Variants in FIS1 observed in about 807,000 individuals in gnomAD.
FIS1 encodes the protein fission, mitochondrial 1.
In FIS1, 16 loss-of-function variants were observed where a neutral mutation model predicts 21.6. That is an observed-to-expected ratio of 0.74 (90% CI 0.50 to 1.12). FIS1 has a LOEUF of 1.12. Among genes scored for constraint, FIS1 ranks in the 50% most tolerant of loss-of-function variants. FIS1 has a pLI of 0.00. For missense variants in FIS1, 198 were observed against 190.9 expected (o/e 1.04, Z -0.22); for synonymous variants, 92 against 82.2 (o/e 1.12, Z -0.65).
chr7:101,242,229 CCTGA>C (rs1429743831), intron 2 of FIS1, among the ~76,000 whole-genome samples: 1 of 152,032 alleles, frequency 6.6e-6, no homozygotes, highest in Non-Finnish European at 1.5e-5. Flanking sequence ...CCTGGCCCCA[CCTGA>C]CTTTCTTAAT....
Position 101,244,013 on chromosome 7 carries a change from G to A in FIS1, c.172C>T (p.Leu58Phe), listed in dbSNP as rs1170097681. The change falls in exon 2 of 5, where the codon CTC (leucine) becomes TTC (phenylalanine). Residue 58 changes from leucine to phenylalanine, a missense_variant. Leu to Phe is a conservative substitution (Grantham distance 22). Transcript: ENST00000223136. ...NDDIRKGIVL[L>F]EELLPKGSKE... ...GGAGAGTACAGCGCCTCACCCTCGA[G>A]CAGCACGATGCCTTTACGGATGTCA... is the stretch of plus-strand genomic sequence containing the variant. 1 of 1,612,938 alleles carries A rather than the reference G, an allele frequency of 6.2e-7. No individual in the cohort carries two copies. Among genetic ancestry groups the A allele is most frequent in the Admixed American group, 1.7e-5 (1 of 59,960 alleles).
At chr7:101,242,035 G>C (rs1798757772) in intron 2 of FIS1, among the ~76,000 whole-genome samples, 1 of 152,026 alleles carries the variant, frequency 6.6e-6, no homozygotes, top group Non-Finnish European at 1.5e-5. Context: ...CAAACTCCTG[G>C]GGTCAGTGAT....
intron 2 of FIS1, 135 bp downstream of exon 2, chr7:101,243,872 C>T: frequency 8.4e-7 from 1 of 1,185,954 alleles, no homozygotes; most frequent in Non-Finnish European, 1.1e-6. Flanking sequence ...CAAAAGTTCA[C>T]TGGGAGACGT....
intron 4 of FIS1, 86 bp from the exon 5 acceptor site, chr7:101,239,989 A>C: frequency 7.0e-7 from 1 of 1,430,626 alleles, no homozygotes; most frequent in South Asian, 1.2e-5. Flanking sequence ...CCCTCAACAG[A>C]GGCACACCCC....
At chr7:101,242,527 T>A (rs1340331022) in intron 2 of FIS1, among the ~76,000 whole-genome samples, 1 of 150,564 alleles carries the variant, frequency 6.6e-6, no homozygotes, top group Non-Finnish European at 1.5e-5. Flanking sequence ...CTCACTGTGT[T>A]GCCCAGGCTG....
chr7:101,243,460 C>T (rs1798773350), intron 2 of FIS1, among the ~76,000 whole-genome samples: 1 of 152,140 alleles, frequency 6.6e-6, no homozygotes, highest in Non-Finnish European at 1.5e-5. Flanking sequence ...CCTGTAATCC[C>T]AGCTACTCAG....
rs1393498883 is a variant in FIS1, at chr7:101,239,751, C to A, written c.*55G>T. 5.6e-6 allele frequency: 8 copies of A among 1,428,430 alleles called. No homozygotes were observed. Among genetic ancestry groups the A allele is most frequent in the Non-Finnish European group, 7.7e-6 (8 of 1,033,260 alleles). The allele number at this position is 1,428,430 out of a possible 1,614,324, so 88.5% of individuals were successfully genotyped here. On this transcript the variant is annotated 3_prime_UTR_variant, in exon 5 of 5. Transcript: ENST00000223136. ...GGGCAGGGGGAGAACAGGGAAAGGA[C>A]AGCGAGGATGGACAGGCCCTCCTGG...
chr7:101,243,584 C>G (rs948456309), intron 2 of FIS1, among the ~76,000 whole-genome samples: 2 of 150,992 alleles, frequency 1.3e-5, no homozygotes, highest in Non-Finnish European at 1.5e-5. Flanking sequence ...CAAACAAAAA[C>G]AAAAAACAAA....
In FIS1 at chr7:101,244,030, C is replaced by A. The variant is rs766116617; in HGVS notation, c.155G>T (p.Arg52Leu). 4 of 1,613,720 alleles carry A rather than the reference C, an allele frequency of 2.5e-6. No individual in the cohort carries two copies. The African/African-American group carries it at 5.3e-5, about 22-fold the overall frequency. The change falls in exon 2 of 5, where the codon CGT becomes CTT. Residue 52 changes from arginine to leucine, a missense_variant. Transcript: ENST00000223136. ...ACCCTCGAGCAGCACGATGCCTTTACGGATGTCATCATTGTACTTGCTCCG... is the reference window on the plus strand; with the variant it reads ...ACCCTCGAGCAGCACGATGCCTTTAAGGATGTCATCATTGTACTTGCTCCG... ...LVRSKYNDDIRKGIVLLEELL... is the reference protein window; with the variant it reads ...LVRSKYNDDILKGIVLLEELL...
chr7:101,244,337 C>A (rs1798786257), intron 1 of FIS1, among the ~76,000 whole-genome samples, 198 bp from the exon 2 acceptor site: 1 of 152,164 alleles, frequency 6.6e-6, no homozygotes, highest in Admixed American at 6.5e-5. Context: ...GACAGAGGCC[C>A]CCGGTCTCCC....
chr7:101,245,029 A>C lies in FIS1; in HGVS notation c.-25T>G, dbSNP rs1394259092. ...TGGCCACTGCCCCCGCGAGCCTCAC[A>C]CTACAGTCTACTGTGCCACAGTCTC... On this transcript the variant is annotated 5_prime_UTR_variant, in exon 1 of 5. Coordinates refer to ENST00000223136, the MANE Select transcript of FIS1 (RefSeq NM_016068.3). 13 of 1,613,214 alleles carry C rather than the reference A, an allele frequency of 8.1e-6. No homozygotes were observed. The highest frequency in any genetic ancestry group is 2.2e-5 in the East Asian group (1 of 44,860).
At position 101,244,984 on chromosome 7, in the gene FIS1, C is replaced by G. The variant is rs1335464290; in HGVS notation, c.21G>C (p.Glu7Asp). The G allele has an allele frequency of 6.2e-7, 1 of 1,614,070 alleles. No homozygotes were observed. Residue 7 changes from glutamate (E) to aspartate (D), a missense_variant, in exon 1 of 5, where the codon GAG (glutamate) becomes GAC (aspartate). Physicochemically the swap from Glu to Asp is conservative, Grantham distance 45 (BLOSUM62 2). Coordinates refer to ENST00000223136, the MANE Select transcript of FIS1 (RefSeq NM_016068.3). ...CCAGCAGGTCCTCCACAGACACCAG[C>G]TCGTTCAGCACGGCCTCCATGGCCA... MEAVLNELVSVEDLLKF... is the reference protein window; with the variant it reads MEAVLNDLVSVEDLLKF...
chr7:101,241,025 C>A, intron 2 of FIS1, 119 bp from the exon 3 acceptor site: 2 of 928,320 alleles, frequency 2.2e-6, no homozygotes, highest in South Asian at 1.5e-5. Context: ...GGGTCACAGT[C>A]CTAAGCCTCC....
intron 1 of FIS1, 76 bp downstream of exon 1, chr7:101,244,884 G>T: frequency 6.4e-7 from 1 of 1,569,510 alleles, no homozygotes; most frequent in Non-Finnish European, 8.8e-7. Context: ...CCGGGAGGAG[G>T]GTTCGGCCCC....
At position 101,240,783 on chromosome 7, in the gene FIS1, T is replaced by C. The variant is rs746492655; in HGVS notation, c.255+47A>G. ...CACCCTGGAGGACACAGTAAGAAGG[T>C]CCTGCAGCCCCAGAGGAGGGTGAAG... On this transcript the variant is annotated intron_variant, in intron 3 of 4. Transcript: ENST00000223136. 2.5e-6 allele frequency: 4 copies of C among 1,580,042 alleles called. No homozygotes were observed. In the African/African-American group the frequency reaches 4.0e-5, roughly 16 times the overall value.
chr7:101,243,244 C>G (rs1486515341), intron 2 of FIS1, among the ~76,000 whole-genome samples: 1 of 152,122 alleles, frequency 6.6e-6, no homozygotes. Context: ...CAAATGATGA[C>G]CCACCTAAAA....
intron 1 of FIS1, chr7:101,244,745 G>C (rs1372279266): frequency 8.4e-6 from 5 of 592,542 alleles, no homozygotes; most frequent in Non-Finnish European, 1.5e-5. Flanking sequence ...CCCGTAGTCT[G>C]AGGTGTGGGG....
rs1221674373 is a variant in FIS1, at chr7:101,245,049, A to C, written c.-45T>G. On this transcript the variant is annotated 5_prime_UTR_variant, in exon 1 of 5. Coordinates refer to ENST00000223136, the MANE Select transcript of FIS1 (RefSeq NM_016068.3). Reference sequence around the variant, plus strand: ...CTCACACTACAGTCTACTGTGCCACAGTCTCCATGGCCCAGTGGCAGGGGC... The same window carrying C: ...CTCACACTACAGTCTACTGTGCCACCGTCTCCATGGCCCAGTGGCAGGGGC... 1.2e-6 allele frequency: 2 copies of C among 1,608,134 alleles called. No individual in the cohort carries two copies. Among genetic ancestry groups the C allele is most frequent in the Non-Finnish European group, 1.7e-6 (2 of 1,176,286 alleles).
chr7:101,239,472 T>G lies in FIS1; in HGVS notation c.*334A>C, dbSNP rs1422947270. On this transcript the variant is annotated 3_prime_UTR_variant, in exon 5 of 5. Coordinates refer to ENST00000223136, the MANE Select transcript of FIS1 (RefSeq NM_016068.3). ...CTTCAGGAAAGGGAGGAAGGAAGGGTGTGGGCTCTGGGCTGCGGGGTGGAC... is the reference window on the plus strand; with the variant it reads ...CTTCAGGAAAGGGAGGAAGGAAGGGGGTGGGCTCTGGGCTGCGGGGTGGAC... 3 of 408,034 alleles carry G rather than the reference T, an allele frequency of 7.4e-6. No homozygotes were observed. The highest frequency in any genetic ancestry group is 5.6e-5 in the East Asian group (1 of 17,700). The allele number at this position is 408,034 out of a possible 1,614,324, so 25.3% of individuals were successfully genotyped here.
Sources: allele counts gnomAD v4.1 joint callset (sites outside exome capture counted in the v4.1 genomes callset), GRCh38; gene constraint gnomAD v4.1.1; transcripts MANE v1.5; gene names NCBI Gene and HGNC (gene_info 2026-07-23, HGNC 2026-07-21).